Variants in KCTD19 observed in about 807,000 individuals in gnomAD.
The protein encoded by KCTD19 is potassium channel tetramerization domain containing 19.
KCTD19 carries 67 observed loss-of-function variants against 103.5 expected under a neutral mutation model. That is an observed-to-expected ratio of 0.65 (90% CI 0.53 to 0.79). The LOEUF is 0.79. KCTD19 is among the 30% of genes least tolerant of loss of function. The pLI is 0.00. For synonymous variants in KCTD19, 439 were observed against 452.2 expected (o/e 0.97, Z 0.37); for missense variants, 980 against 1,136.1 (o/e 0.86, Z 1.98).
intron 2 of KCTD19, among the ~76,000 whole-genome samples, chr16:67,307,151 G>A (rs866902189): frequency 2.6e-5 from 4 of 151,674 alleles, no homozygotes; most frequent in African/African-American, 4.8e-5. Flanking sequence ...TATCCATCAC[G>A]TCATTTTTTT....
chr16:67,296,096 G>A lies in KCTD19; in HGVS notation c.1248+63C>T. 3 of 952,744 alleles carry A rather than the reference G, an allele frequency of 3.1e-6. No individual in the cohort carries two copies. In the East Asian group the frequency reaches 7.2e-5, roughly 23 times the overall value. 59.0% of individuals were successfully genotyped at this position (952,744 alleles called of 1,614,324 possible). ...GAAGCTGTGTGAGGGCCAGGTGATGGCCCCCAGAGCAGCTCAGGTGGTGAT... is the reference window on the plus strand; with the variant it reads ...GAAGCTGTGTGAGGGCCAGGTGATGACCCCCAGAGCAGCTCAGGTGGTGAT... On this transcript the variant is annotated intron_variant, in intron 8 of 15. Coordinates refer to ENST00000304372, the MANE Select transcript of KCTD19 (RefSeq NM_001100915.3).
At chr16:67,292,184 A>G (rs1037818337) in intron 12 of KCTD19, among the ~76,000 whole-genome samples, 1 of 152,192 alleles carries the variant, frequency 6.6e-6, no homozygotes, top group African/African-American at 2.4e-5. Context: ...CTTTTCTTCA[A>G]TTACCATCAA....
intron 5 of KCTD19, 130 bp from the exon 6 acceptor site, chr16:67,299,703 C>A: frequency 1.5e-6 from 1 of 671,220 alleles, no homozygotes; most frequent in Non-Finnish European, 2.5e-6. Context: ...TTTCTTTGCA[C>A]AGTCCAAATC....
In KCTD19 at chr16:67,291,806, C is replaced by A; in HGVS notation, c.2250G>T (p.Glu750Asp). The stretch of plus-strand genomic sequence containing the variant: ...CCCCTAGGCTGTCCACCTCACTGGC[C>A]TCGGGCAGAGGCTGCTCAGGGGCAG... ...ESPAPEQPLP[E>D]ASEVDSLGVI... Residue 750 changes from glutamate (E) to aspartate (D), a missense_variant, in exon 13 of 16, where the codon GAG becomes GAT. By Grantham distance (45) the Glu-to-Asp change is conservative. Transcript: ENST00000304372. 6.2e-7 allele frequency: 1 copy of A among 1,612,728 alleles called. No individual in the cohort carries two copies. Among genetic ancestry groups the A allele is most frequent in the Non-Finnish European group, 8.5e-7 (1 of 1,179,152 alleles).
chr16:67,326,463 C>A (rs941756896), intron 1 of KCTD19, among the ~76,000 whole-genome samples: 1 of 152,210 alleles, frequency 6.6e-6, no homozygotes, highest in Non-Finnish European at 1.5e-5. Context: ...AAGGGGCACA[C>A]GCCCAGCCCT....
At chr16:67,308,129 CCCTCCCTCCCAT>C (rs1164478007) in intron 2 of KCTD19, among the ~76,000 whole-genome samples, 3 of 150,042 alleles carry the variant, frequency 2.0e-5, no homozygotes, top group Admixed American at 1.3e-4. Context: ...CTTCCTTCCT[CCCTCCCTCCCAT>C]CCTCCCTCCT....
At position 67,309,428 on chromosome 16, in the gene KCTD19, G is replaced by A. The variant is rs996081546; in HGVS notation, c.301-4857C>T. Among the ~76,000 whole-genome samples, 64 of 152,204 alleles carry A rather than the reference G, an allele frequency of 4.2e-4. 2 individuals carry two copies. The highest frequency in any genetic ancestry group is 8.8e-5 in the Non-Finnish European group (6 of 68,038). On this transcript the variant is annotated intron_variant, in intron 2 of 15. Coordinates refer to ENST00000304372, the MANE Select transcript of KCTD19 (RefSeq NM_001100915.3). ...ACCTAACGGGGAGAGGGACAGGGAT[G>A]AAGGAGAGGGAGAGAGGATGGCAAG...
intron 13 of KCTD19, 56 bp from the exon 14 acceptor site, chr16:67,291,519 G>C (rs1429098576): frequency 6.3e-7 from 1 of 1,588,750 alleles, no homozygotes; most frequent in East Asian, 2.2e-5. Flanking sequence ...GGGCCTTAGA[G>C]ACAGTGTGAG....
rs2037093443 is a variant in KCTD19, at chr16:67,323,067, C to A, written c.4-2182G>T. 6.6e-6 allele frequency among the ~76,000 whole-genome samples: 1 copy of A among 152,064 alleles called. No individual in the cohort carries two copies. The highest frequency in any genetic ancestry group is 1.5e-5 in the Non-Finnish European group (1 of 68,012). ...AACAATAGGTAATAACAAGTGTCGA[C>A]AAAGAAACCAGAACCCCCATGCACT... is the stretch of plus-strand genomic sequence containing the variant. On this transcript the variant is annotated intron_variant, in intron 1 of 15. Transcript: ENST00000304372. This position sits in a 1 kb window ranked among gnomAD's most constrained non-coding sequence, Gnocchi z 4.1.
intron 2 of KCTD19, among the ~76,000 whole-genome samples, chr16:67,317,762 G>A (rs770142348): frequency 3.9e-5 from 6 of 152,120 alleles, no homozygotes; most frequent in South Asian, 2.1e-4. Context: ...GCTCACATAC[G>A]TCGCTCACAT....
rs1371335104 is a variant in KCTD19 at position 67,303,284 on chromosome 16, C to A, written c.505G>T (p.Glu169Ter). The part of the protein sequence containing the change: ...GLMDTPLLDT[E>*]EEVHYCFLPL... Reference sequence around the variant, plus strand: ...AGGAAGCAGTAGTGCACCTCCTCTTCTGTGTCTAACAGGGGTGTGTCCATG... The same window carrying A: ...AGGAAGCAGTAGTGCACCTCCTCTTATGTGTCTAACAGGGGTGTGTCCATG... The change falls in exon 4 of 16, where the codon GAA becomes TAA. Residue 169 changes from glutamate to a stop codon, truncating the protein, a stop_gained. Transcript: ENST00000304372. LOFTEE classifies it high-confidence loss of function. The surrounding 1 kb of genome is among the most constrained non-coding windows in gnomAD (Gnocchi z 4.3). The A allele has an allele frequency of 1.2e-6, 2 of 1,614,024 alleles. No homozygotes were observed.
intron 8 of KCTD19, 47 bp from the exon 9 acceptor site, chr16:67,295,452 G>T: frequency 1.3e-6 from 2 of 1,573,480 alleles, no homozygotes; most frequent in Non-Finnish European, 1.7e-6. Context: ...CTAGGTCTTT[G>T]CGAAGGGGCA....
intron 8 of KCTD19, 21 bp from the exon 9 acceptor site, chr16:67,295,426 G>A (rs748024681): frequency 6.2e-7 from 1 of 1,601,904 alleles, no homozygotes. Flanking sequence ...TTGGACACCG[G>A]ACTCAGTCTC....
chr16:67,303,068 T>C lies in KCTD19; in HGVS notation c.643+78A>G. On this transcript the variant is annotated intron_variant, in intron 4 of 15. Coordinates refer to ENST00000304372, the MANE Select transcript of KCTD19 (RefSeq NM_001100915.3). This position sits in a 1 kb window ranked among gnomAD's most constrained non-coding sequence, Gnocchi z 4.3. The stretch of plus-strand genomic sequence containing the variant: ...GAGGCCCTGAGCACCAAGCTGGGCC[T>C]CTGTGGGACATGTGATGGGGAGGGG... The C allele has an allele frequency of 6.8e-7, 1 of 1,468,660 alleles. No homozygotes were observed. Among genetic ancestry groups the C allele is most frequent in the Non-Finnish European group, 9.4e-7 (1 of 1,061,946 alleles). 91.0% of individuals were successfully genotyped at this position (1,468,660 alleles called of 1,614,324 possible).
intron 1 of KCTD19, among the ~76,000 whole-genome samples, chr16:67,322,329 G>A (rs7203074): frequency 0.22 from 31,795 of 145,556 alleles, 6,893 homozygotes; most frequent in African/African-American, 0.57. Context: ...ACGGAGTCTC[G>A]CTGTATCACC....
rs993279014 is a variant in KCTD19 at position 67,323,737 on chromosome 16, T to G, written c.4-2852A>C. ...CTATGGGGAGATGGGGTGTGACTAC[T>G]AATGAGTATGGGATTTCTTTTGGGG... is the stretch of plus-strand genomic sequence containing the variant. On this transcript the variant is annotated intron_variant, in intron 1 of 15. Coordinates refer to ENST00000304372, the MANE Select transcript of KCTD19 (RefSeq NM_001100915.3). This position sits in a 1 kb window ranked among gnomAD's most constrained non-coding sequence, Gnocchi z 4.1. 6.6e-6 allele frequency among the ~76,000 whole-genome samples: 1 copy of G among 152,166 alleles called. No individual in the cohort carries two copies. The highest frequency in any genetic ancestry group is 1.5e-5 in the Non-Finnish European group (1 of 68,034).
intron 1 of KCTD19, among the ~76,000 whole-genome samples, chr16:67,322,657 A>G (rs546189849): frequency 1.3e-5 from 2 of 152,204 alleles, no homozygotes; most frequent in Non-Finnish European, 2.9e-5. Flanking sequence ...AGTAGGCAAA[A>G]CTTTCTTAGA....
rs1273285988 is a variant in KCTD19, at chr16:67,323,918, C to G, written c.3+2787G>C. ...AAAAAAAAAAAAGATGAGGTACTGT[C>G]CATTCCATGGAGCGCATGCAGAACT... On this transcript the variant is annotated intron_variant, in intron 1 of 15. Coordinates refer to ENST00000304372, the MANE Select transcript of KCTD19 (RefSeq NM_001100915.3). The surrounding 1 kb of genome is among the most constrained non-coding windows in gnomAD (Gnocchi z 4.1). Among the ~76,000 whole-genome samples, 25 of 151,928 alleles carry G rather than the reference C, an allele frequency of 1.6e-4. No individual in the cohort carries two copies.
intron 2 of KCTD19, among the ~76,000 whole-genome samples, chr16:67,316,219 T>C (rs1420656602): frequency 1.3e-5 from 2 of 151,908 alleles, no homozygotes; most frequent in Non-Finnish European, 2.9e-5. Context: ...TTAAAAAAAT[T>C]TTTTTGTAGA....
Sources: allele counts gnomAD v4.1 joint callset (sites outside exome capture counted in the v4.1 genomes callset), GRCh38; gene constraint gnomAD v4.1.1; non-coding constraint Gnocchi (gnomAD v3.1); transcripts MANE v1.5; gene names NCBI Gene and HGNC (gene_info 2026-07-23, HGNC 2026-07-21).